RBSN: variants seen among roughly 807,000 people sequenced by gnomAD.
The protein encoded by RBSN is rabenosyn, RAB effector.
Under a neutral mutation model 60.5 loss-of-function variants are expected in RBSN, and 34 were observed. That is an observed-to-expected ratio of 0.56 (90% confidence interval 0.43 to 0.75). The LOEUF is 0.75. RBSN is among the 30% of genes least tolerant of loss of function. The pLI is 0.00. For missense variants in RBSN, 845 were observed against 986.8 expected (o/e 0.86, Z 1.92); for synonymous variants, 322 against 366.9 (o/e 0.88, Z 1.40).
intron 8 of RBSN, among the ~76,000 whole-genome samples, chr3:15,083,435 C>G (rs1324449607): frequency 6.6e-6 from 1 of 152,164 alleles, no homozygotes; most frequent in African/African-American, 2.4e-5. Flanking sequence ...TTCCCAGAAG[C>G]CAATGAGATC....
At position 15,084,712 on chromosome 3, in the gene RBSN, G is replaced by A. The variant is rs1231465113; in HGVS notation, c.598+23C>T. 6 of 1,565,806 alleles carry A rather than the reference G, an allele frequency of 3.8e-6. No individual in the cohort carries two copies. The highest frequency in any genetic ancestry group is 1.7e-6 in the Non-Finnish European group (2 of 1,157,294). On this transcript the variant is annotated intron_variant, in intron 8 of 13. Coordinates refer to ENST00000253699, the MANE Select transcript of RBSN (RefSeq NM_022340.4). This position sits in a 1 kb window ranked among gnomAD's most constrained non-coding sequence, Gnocchi z 4.2. ...GGCCCAAAAGAAGATGAGGGTCCAG[G>A]GCCCCACCTCCAAGTCACCTACTTG...
At chr3:15,085,362 G>A (rs1211669672) in intron 6 of RBSN, among the ~76,000 whole-genome samples, 6 of 152,176 alleles carry the variant, frequency 3.9e-5, no homozygotes, top group Non-Finnish European at 8.8e-5. Flanking sequence ...TCTCCACGGT[G>A]CTCCTGGACC....
At chr3:15,092,393 T>G (rs1465073244) in intron 4 of RBSN, among the ~76,000 whole-genome samples, 3 of 151,190 alleles carry the variant, frequency 2.0e-5, no homozygotes, top group Non-Finnish European at 4.4e-5. Context: ...CTAAAGTGGG[T>G]TTTTTTTGTT....
At chr3:15,075,059 A>C (rs2043020416) in intron 13 of RBSN, 129 bp from the exon 14 acceptor site, 4 of 1,101,006 alleles carry the variant, frequency 3.6e-6, no homozygotes, top group Non-Finnish European at 1.3e-6. Flanking sequence ...CAGGACAAAG[A>C]TATCCAACTG....
At chr3:15,086,729 C>T (rs2043354007) in intron 5 of RBSN, among the ~76,000 whole-genome samples, 1 of 152,068 alleles carries the variant, frequency 6.6e-6, no homozygotes, top group African/African-American at 2.4e-5. Context: ...TATGGTTTTT[C>T]CTCAGGATAA....
intron 4 of RBSN, among the ~76,000 whole-genome samples, chr3:15,090,888 T>C (rs891291719): frequency 2.0e-5 from 3 of 152,116 alleles, no homozygotes; most frequent in Non-Finnish European, 4.4e-5. Flanking sequence ...TTCTTTATCT[T>C]AATTGGAGTG....
chr3:15,074,964 TC>T lies in RBSN; in HGVS notation c.1207-35del, dbSNP rs756850429. 1 of 1,569,630 alleles carries T rather than the reference TC, an allele frequency of 6.4e-7. No individual in the cohort carries two copies. Among genetic ancestry groups the T allele is most frequent in the Admixed American group, 1.7e-5 (1 of 57,166 alleles). On this transcript the variant is annotated intron_variant, in intron 13 of 13. Coordinates refer to ENST00000253699, the MANE Select transcript of RBSN (RefSeq NM_022340.4). The surrounding 1 kb of genome is among the most constrained non-coding windows in gnomAD (Gnocchi z 6.4). ...AGAGCAAAGCAGAGAGAAGAAACAG[TC>T]ACTATGCTGGCAGCAGCCCACACTG...
intron 10 of RBSN, among the ~76,000 whole-genome samples, chr3:15,079,965 C>G (rs1159255289): frequency 2.0e-5 from 3 of 152,200 alleles, no homozygotes; most frequent in Non-Finnish European, 4.4e-5. Context: ...CAGATGTTGG[C>G]CAGACACGGT....
chr3:15,075,291 G>A (rs772118055), intron 13 of RBSN: 15 of 611,582 alleles, frequency 2.5e-5, no homozygotes, highest in Middle Eastern at 2.5e-4. Context: ...TGCATATACC[G>A]ATATGTTCTA....
At position 15,072,887 on chromosome 3, in the gene RBSN, G is replaced by A. The variant is rs1431422934; in HGVS notation, c.*895C>T. The A allele has an allele frequency of 6.6e-6, 1 of 152,148 alleles. No homozygotes were observed. The highest frequency in any genetic ancestry group is 6.5e-5 in the Admixed American group (1 of 15,268). 9.4% of individuals were successfully genotyped at this position (152,148 alleles called of 1,614,324 possible). On this transcript the variant is annotated 3_prime_UTR_variant, in exon 14 of 14. Coordinates refer to ENST00000253699, the MANE Select transcript of RBSN (RefSeq NM_022340.4). ...CACCACCACGCCTGGCTAATTTTTT[G>A]TATTTTTAGTAGAGACGGGATTTCA...
chr3:15,078,858 GT>G (rs1408060419), intron 10 of RBSN, among the ~76,000 whole-genome samples: 2 of 106,880 alleles, frequency 1.9e-5, no homozygotes, highest in Non-Finnish European at 3.8e-5. Flanking sequence ...TATACACATG[GT>G]TTTGTTTTTA....
At chr3:15,088,300 A>G (rs548648042) in intron 5 of RBSN, among the ~76,000 whole-genome samples, 20 of 152,262 alleles carry the variant, frequency 1.3e-4, no homozygotes, top group African/African-American at 4.8e-4. Context: ...AGCTAATAAG[A>G]ATTCATGTGT....
intron 10 of RBSN, among the ~76,000 whole-genome samples, chr3:15,080,394 C>A (rs931733972): frequency 6.6e-6 from 1 of 152,126 alleles, no homozygotes. Context: ...AGCATGAGAC[C>A]CACTGCCCTT....
In RBSN at chr3:15,082,320, C is replaced by T. The variant is rs1404635615; in HGVS notation, c.840+47G>A. On this transcript the variant is annotated intron_variant, in intron 9 of 13. Transcript: ENST00000253699. The surrounding 1 kb of genome is among the most constrained non-coding windows in gnomAD (Gnocchi z 4.2). Reference sequence around the variant, plus strand: ...TGCAGGAGTGTACATAACAAACAGCCAAATCTGCCTAAGAAATTAGACCCA... The same window carrying T: ...TGCAGGAGTGTACATAACAAACAGCTAAATCTGCCTAAGAAATTAGACCCA... 6.3e-7 allele frequency: 1 copy of T among 1,591,662 alleles called. No homozygotes were observed.
In RBSN at chr3:15,085,906, G is replaced by A; in HGVS notation, c.345C>T (p.Asp115=). 6.2e-7 allele frequency: 1 copy of A among 1,613,974 alleles called. No homozygotes were observed. Among genetic ancestry groups the A allele is most frequent in the Non-Finnish European group, 8.5e-7 (1 of 1,179,988 alleles). ...GTTTATTGACTTCCACAACATAGTG[G>A]TCAATTCTAGCAGCTCGGTGTTTTT... ...DFKKHRAARI[D]HYVVEVNKLI... is the part of the protein sequence containing the mutation. Residue 115 remains aspartate, a synonymous_variant, in exon 6 of 14, where the codon GAC becomes GAT. Coordinates refer to ENST00000253699, the MANE Select transcript of RBSN (RefSeq NM_022340.4).
At chr3:15,086,170 G>A in intron 5 of RBSN, 1 of 501,348 alleles carries the variant, frequency 2.0e-6, no homozygotes, top group Admixed American at 3.3e-5. Flanking sequence ...GGCCAAGGCG[G>A]GAAGATGGCT....
In RBSN at chr3:15,077,241, G is replaced by T; in HGVS notation, c.999-77C>A. 7.9e-7 allele frequency: 1 copy of T among 1,270,048 alleles called. No homozygotes were observed. The highest frequency in any genetic ancestry group is 1.1e-6 in the Non-Finnish European group (1 of 871,350). 78.7% of individuals were successfully genotyped at this position (1,270,048 alleles called of 1,614,324 possible). A position where few individuals can be genotyped will look rare whatever the true frequency, so the allele number is the denominator to read the frequency against. On this transcript the variant is annotated intron_variant, in intron 11 of 13. Transcript: ENST00000253699. This position sits in a 1 kb window ranked among gnomAD's most constrained non-coding sequence, Gnocchi z 4.4. ...AAGGGTGAAAAGTATAACATCTGGA[G>T]TTGCCAGGCTTTCATGCCAGGAAGG...
chr3:15,093,040 G>A (rs2043557166), intron 4 of RBSN, among the ~76,000 whole-genome samples: 1 of 152,178 alleles, frequency 6.6e-6, no homozygotes, highest in Admixed American at 6.5e-5. Flanking sequence ...GACTGGAGCT[G>A]AACCAGGACT....
At chr3:15,097,857 C>G (rs894895853) in intron 2 of RBSN, among the ~76,000 whole-genome samples, 3 of 152,098 alleles carry the variant, frequency 2.0e-5, no homozygotes, top group Admixed American at 6.6e-5. Context: ...AATGAGACAC[C>G]AGGTCCCTAT....
Sources: gnomAD v4.1 joint callset for allele counts (sites outside exome capture counted in the v4.1 genomes callset) on GRCh38, gnomAD v4.1.1 for gene constraint, Gnocchi (gnomAD v3.1) non-coding constraint, MANE v1.5 for transcripts, NCBI Gene and HGNC (gene_info 2026-07-23, HGNC 2026-07-21) for gene names.